The following DOCK7 variants were observed in gnomAD, a reference collection of about 807,000 sequenced individuals.
DOCK7 encodes dedicator of cytokinesis protein 7.
DOCK7 carries 138 observed loss-of-function variants against 271.0 expected under a neutral mutation model. That is an observed-to-expected ratio of 0.51 (90% confidence interval 0.44 to 0.59). DOCK7 has a LOEUF of 0.59. Among genes scored for constraint, DOCK7 ranks in the 20% least tolerant of loss-of-function variants. The pLI is 0.00. For synonymous variants in DOCK7, 823 were observed against 876.1 expected (o/e 0.94, Z 1.07); for missense variants, 2,066 against 2,592.4 (o/e 0.80, Z 4.41).
chr1:62,542,271 T>C (rs1645560302), intron 25 of DOCK7, among the ~76,000 whole-genome samples: 2 of 152,148 alleles, frequency 1.3e-5, no homozygotes. Flanking sequence ...GCTCTTTCCA[T>C]CTTTGGTATA....
intron 14 of DOCK7, among the ~76,000 whole-genome samples, chr1:62,587,132 A>G (rs1339983477): frequency 1.3e-5 from 2 of 152,054 alleles, no homozygotes; most frequent in African/African-American, 4.8e-5. Context: ...ACACATTACA[A>G]TATGATGGAT....
chr1:62,543,802 T>G, intron 23 of DOCK7, 57 bp from the exon 24 acceptor site: 1 of 1,251,202 alleles, frequency 8.0e-7, no homozygotes, highest in Non-Finnish European at 1.1e-6. Flanking sequence ...AGTGGATGAC[T>G]TTGCAGCTGA....
chr1:62,500,608 T>C (rs1324820102), intron 37 of DOCK7, among the ~76,000 whole-genome samples: 1 of 152,126 alleles, frequency 6.6e-6, no homozygotes, highest in South Asian at 2.1e-4. Flanking sequence ...TCTAGAAAAG[T>C]CATTTAATTA....
intron 48 of DOCK7, among the ~76,000 whole-genome samples, chr1:62,459,734 A>C (rs964394497): frequency 2.0e-5 from 3 of 152,116 alleles, no homozygotes; most frequent in Non-Finnish European, 4.4e-5. Flanking sequence ...TCTACAAAGA[A>C]AACACTAACT....
intron 31 of DOCK7, among the ~76,000 whole-genome samples, chr1:62,525,066 C>A (rs141771798): frequency 8.6e-5 from 13 of 150,682 alleles, no homozygotes; most frequent in Admixed American, 7.9e-4. Context: ...AGTGCAGTGG[C>A]GCGATCTAGG....
chr1:62,477,736 T>G lies in DOCK7; in HGVS notation c.5598A>C (p.Ala1866=). The G allele has an allele frequency of 6.2e-7, 1 of 1,609,908 alleles. No individual in the cohort carries two copies. The highest frequency in any genetic ancestry group is 8.5e-7 in the Non-Finnish European group (1 of 1,178,804). Residue 1866 remains alanine, a synonymous_variant, in exon 44 of 50, where the codon GCA becomes GCC. Coordinates refer to ENST00000635253, the MANE Select transcript of DOCK7 (RefSeq NM_001367561.1). ...DEQEFVYKEP[A]ITKLAEISHR... is the part of the protein sequence containing the mutation. ...GAGATATCTCTGCAAGTTTGGTTAT[T>G]GCAGGCTCCTTGTAAACAAATTCTT...
chr1:62,670,334 G>A (rs1197842088), intron 1 of DOCK7, among the ~76,000 whole-genome samples: 6 of 152,258 alleles, frequency 3.9e-5, no homozygotes, highest in East Asian at 1.9e-4. Context: ...GATCCACTAC[G>A]TGAAGCCAGC....
chr1:62,597,534 C>A, intron 14 of DOCK7: 1 of 1,610,440 alleles, frequency 6.2e-7, no homozygotes, highest in Non-Finnish European at 8.5e-7. Flanking sequence ...GAAAACAGTT[C>A]CACGTTGCTT....
chr1:62,556,082 TAAGTA>T (rs1646133199), intron 20 of DOCK7, 93 bp from the exon 21 acceptor site: 2 of 1,253,392 alleles, frequency 1.6e-6, no homozygotes, highest in Admixed American at 4.0e-5. Flanking sequence ...TTGCATACTT[TAAGTA>T]TAGTGACTAC....
Sources: gnomAD v4.1 joint callset for allele counts (sites outside exome capture counted in the v4.1 genomes callset) on GRCh38, gnomAD v4.1.1 for gene constraint, MANE v1.5 for transcripts, NCBI Gene and HGNC (gene_info 2026-07-23, HGNC 2026-07-21) for gene names.